The following EPHB1 variants were observed in gnomAD, a reference collection of about 807,000 sequenced individuals.
The protein encoded by EPHB1 is EPH receptor B1, also known as ephrin type-B receptor 1.
Under a neutral mutation model 94.4 loss-of-function variants are expected in EPHB1, and 30 were observed. That is an observed-to-expected ratio of 0.32 (90% CI 0.24 to 0.43). The LOEUF (loss-of-function observed/expected upper bound fraction) is 0.43, where lower values mean the gene tolerates loss of function less well. Ranked by LOEUF, EPHB1 falls within the 20% of genes least tolerant of loss-of-function variation. The pLI is 1.00. For missense variants in EPHB1, 1,055 were observed against 1,308.3 expected, an observed-to-expected ratio of 0.81 and a Z score of 2.99; for synonymous variants, 522 against 489.1, an observed-to-expected ratio of 1.07 and a Z score of -0.89.
intron 2 of EPHB1, among the ~76,000 whole-genome samples, chr3:134,941,752 G>GACACACACACACACACACACACAC: frequency 7.4e-6 from 1 of 134,798 alleles, no homozygotes; most frequent in African/African-American, 2.8e-5. Context: ...TATGCACACA[G>GACACACACACACACACACACACAC]ACACACACAC....
intron 1 of EPHB1, among the ~76,000 whole-genome samples, chr3:134,903,243 G>A (rs114664269): frequency 0.043 from 6,489 of 152,344 alleles, 438 homozygotes; most frequent in African/African-American, 0.15. Context: ...TCTGGAGGTC[G>A]TTGGAAGGAG....
At chr3:135,237,277 TACACACACACACACAC>T (rs10572168) in intron 12 of EPHB1, among the ~76,000 whole-genome samples, 8 of 147,358 alleles carry the variant, frequency 5.4e-5, no homozygotes, top group African/African-American at 1.2e-4. Context: ...CACCAAATTC[TACACACACACACACAC>T]ACACACACAC....
chr3:134,928,171 G>A (rs956611859), intron 2 of EPHB1, among the ~76,000 whole-genome samples: 1 of 152,188 alleles, frequency 6.6e-6, no homozygotes, highest in African/African-American at 2.4e-5. Flanking sequence ...TGCATTCTCT[G>A]TCCAAATCTT....
intron 1 of EPHB1, among the ~76,000 whole-genome samples, chr3:134,828,150 C>A (rs1266074336): frequency 6.6e-6 from 1 of 152,154 alleles, no homozygotes; most frequent in African/African-American, 2.4e-5. Context: ...GAAGTTGGCC[C>A]ATTGGATAGT....
chr3:134,951,840 G>A lies in EPHB1; in HGVS notation c.593G>A (p.Ser198Asn). ...CGTGTCTTCTTCAAAAAGTGTCCCA[G>A]CATTGTGCAAAATTTTGCAGTGTTT... ...SVRVFFKKCP[S>N]IVQNFAVFPE... Residue 198 changes from serine to asparagine, a missense_variant, in exon 3 of 16, where the codon AGC becomes AAC. By Grantham distance (46) the Ser-to-Asn change is conservative. Transcript: ENST00000398015. The surrounding 1 kb of genome is among the most constrained non-coding windows in gnomAD (Gnocchi z 4.5). The A allele has an allele frequency of 1.2e-6, 2 of 1,614,030 alleles. No individual in the cohort carries two copies. The highest frequency in any genetic ancestry group is 1.7e-6 in the Non-Finnish European group (2 of 1,179,898).
At chr3:134,998,579 G>T (rs1160790865) in intron 3 of EPHB1, among the ~76,000 whole-genome samples, 1 of 152,156 alleles carries the variant, frequency 6.6e-6, no homozygotes. Context: ...ATTAAAGATA[G>T]GTTGTTGTGA....
chr3:134,952,012 C>T lies in EPHB1; in HGVS notation c.765C>T (p.Cys255=). The T allele has an allele frequency of 6.2e-7, 1 of 1,613,058 alleles. No homozygotes were observed. Among genetic ancestry groups the T allele is most frequent in the Non-Finnish European group, 8.5e-7 (1 of 1,179,320 alleles). ...EWMVPIGRCT[C]KPGYEPENSV... ...TGGTGCCTATTGGGCGATGCACCTG[C>T]AAGCCTGGCTATGAGCCTGAGAACA... The change falls in exon 3 of 16, where the codon TGC becomes TGT. Residue 255 remains cysteine, a synonymous_variant. Coordinates refer to ENST00000398015, the MANE Select transcript of EPHB1 (RefSeq NM_004441.5).
intron 1 of EPHB1, among the ~76,000 whole-genome samples, chr3:134,831,313 C>A (rs899451739): frequency 5.3e-5 from 8 of 152,164 alleles, no homozygotes; most frequent in Non-Finnish European, 7.3e-5. Flanking sequence ...GGAGCTATGG[C>A]CTGTTGAGCA....
intron 2 of EPHB1, among the ~76,000 whole-genome samples, chr3:134,942,776 C>G (rs762049368): frequency 1.1e-4 from 17 of 152,132 alleles, no homozygotes; most frequent in Non-Finnish European, 1.6e-4. Context: ...AAATGGTGTT[C>G]CATAATTCCA....
chr3:135,179,442 C>T (rs1942088985), intron 9 of EPHB1, among the ~76,000 whole-genome samples: 1 of 152,150 alleles, frequency 6.6e-6, no homozygotes, highest in African/African-American at 2.4e-5. Flanking sequence ...TAACAGTGGC[C>T]TCCACTCAGG....
intron 1 of EPHB1, among the ~76,000 whole-genome samples, chr3:134,881,422 C>T (rs73217011): frequency 0.056 from 8,456 of 152,174 alleles, 271 homozygotes; most frequent in South Asian, 0.12. Flanking sequence ...ATGCAGACCC[C>T]AGGCTGACTT....
chr3:134,927,652 A>C (rs1000700451), intron 2 of EPHB1, among the ~76,000 whole-genome samples: 4 of 152,170 alleles, frequency 2.6e-5, no homozygotes, highest in Non-Finnish European at 5.9e-5. Flanking sequence ...TGTACACAAC[A>C]CCTGTTTTCT....
intron 3 of EPHB1, among the ~76,000 whole-genome samples, chr3:135,043,908 A>G (rs996830288): frequency 6.6e-6 from 1 of 152,192 alleles, no homozygotes; most frequent in Non-Finnish European, 1.5e-5. Context: ...CCTCTCAGTG[A>G]TCTTCACACA....
intron 3 of EPHB1, among the ~76,000 whole-genome samples, chr3:134,970,810 C>T (rs1249016831): frequency 6.6e-6 from 1 of 152,234 alleles, no homozygotes; most frequent in Non-Finnish European, 1.5e-5. Context: ...ACAGGTTTGT[C>T]ACAGTTAATG....
chr3:135,248,636 G>A (rs892564244), intron 14 of EPHB1, 127 bp downstream of exon 14: 46 of 838,310 alleles, frequency 5.5e-5, no homozygotes, highest in Non-Finnish European at 8.1e-5. Flanking sequence ...TGGGCCTTAT[G>A]TTGAGGAGAG....
chr3:134,804,957 G>GGCA (rs1365494628), intron 1 of EPHB1, among the ~76,000 whole-genome samples: 1 of 152,236 alleles, frequency 6.6e-6, no homozygotes, highest in Non-Finnish European at 1.5e-5. Flanking sequence ...CATTGACGGT[G>GGCA]GCAGCAGAGA....
chr3:135,136,811 T>C (rs1379362092), intron 5 of EPHB1, among the ~76,000 whole-genome samples: 1 of 152,222 alleles, frequency 6.6e-6, no homozygotes, highest in Non-Finnish European at 1.5e-5. Flanking sequence ...TCATGAATTA[T>C]GCAAGCTCAG....
intron 3 of EPHB1, among the ~76,000 whole-genome samples, chr3:135,077,781 C>G (rs1236791585): frequency 6.6e-6 from 1 of 152,208 alleles, no homozygotes; most frequent in Non-Finnish European, 1.5e-5. Flanking sequence ...GTAGGAAGCT[C>G]AGGAGCTGCA....
intron 3 of EPHB1, among the ~76,000 whole-genome samples, chr3:135,054,176 C>A (rs1259612013): frequency 6.6e-6 from 1 of 151,880 alleles, no homozygotes; most frequent in Non-Finnish European, 1.5e-5. Flanking sequence ...TGGGCCTCAT[C>A]CAATCAGTTG....
Sources: gnomAD v4.1 joint callset for allele counts (sites outside exome capture counted in the v4.1 genomes callset) on GRCh38, gnomAD v4.1.1 for gene constraint, Gnocchi (gnomAD v3.1) non-coding constraint, MANE v1.5 for transcripts, NCBI Gene and HGNC (gene_info 2026-07-23, HGNC 2026-07-21) for gene names.